The following PLIN4 variants were observed in gnomAD, a reference collection of about 807,000 sequenced individuals.
PLIN4 encodes the protein perilipin 4.
Under a neutral mutation model 52.4 loss-of-function variants are expected in PLIN4, and 57 were observed. The observed-to-expected ratio is 1.09, with a 90% confidence interval of 0.88 to 1.36. The LOEUF (loss-of-function observed/expected upper bound fraction) is 1.36, where lower values mean the gene tolerates loss of function less well. PLIN4 is among the 40% of genes most tolerant of loss of function. The pLI, the probability that PLIN4 is intolerant of heterozygous loss-of-function variation, is 0.00. For missense variants in PLIN4, 1,757 were observed against 1,770.3 expected (o/e 0.99, Z 0.13); for synonymous variants, 826 against 785.4 (o/e 1.05, Z -0.86).
At chr19:4,507,747 G>A (rs529187814) in intron 6 of PLIN4, among the ~76,000 whole-genome samples, 2 of 152,090 alleles carry the variant, frequency 1.3e-5, no homozygotes, top group South Asian at 4.2e-4. Context: ...CTCCCGGGCT[G>A]CACAACAGCT....
rs1350316262 is a variant in PLIN4, at chr19:4,512,198, C to T, written c.1762G>A (p.Asp588Asn). The change falls in exon 5 of 8, where the codon GAC becomes AAC. Residue 588 changes from aspartate to asparagine, a missense_variant. Asp to Asn is a conservative substitution (Grantham distance 23, BLOSUM62 1). Around this residue, in one of 7 missense-constraint regions of PLIN4, gnomAD observed 439 missense variants for 406.4 expected, o/e 1.08. Coordinates refer to ENST00000301286, the MANE Select transcript of PLIN4 (RefSeq NM_001367868.2). Reference protein sequence around the residue: ...VAKGAVQTGVDTAKTVLTGTK... With the variant: ...VAKGAVQTGVNTAKTVLTGTK... ...CCGGTCAGCACGGTCTTGGCTGTGTCTACACCTGTCTGGACAGCCCCCTTG... is the reference window on the plus strand; with the variant it reads ...CCGGTCAGCACGGTCTTGGCTGTGTTTACACCTGTCTGGACAGCCCCCTTG... The T allele has an allele frequency of 1.9e-6, 3 of 1,612,400 alleles. No homozygotes were observed. In the African/African-American group the frequency reaches 4.1e-5, roughly 22 times the overall value.
intron 3 of PLIN4, among the ~76,000 whole-genome samples, chr19:4,517,293 C>T (rs1976609745): frequency 7.1e-6 from 1 of 141,510 alleles, no homozygotes; most frequent in Non-Finnish European, 1.5e-5. Context: ...AAACGGAGTG[C>T]AGGGTGGGGG....
At chr19:4,505,940 G>A (rs948059817) in intron 6 of PLIN4, among the ~76,000 whole-genome samples, 5 of 151,678 alleles carry the variant, frequency 3.3e-5, no homozygotes, top group African/African-American at 1.2e-4. Context: ...GGGTCTCTTG[G>A]GGTCTTCTCT....
In PLIN4 at chr19:4,511,588, A is replaced by C; in HGVS notation, c.2372T>G (p.Val791Gly). The C allele has an allele frequency of 2.0e-6, 3 of 1,477,620 alleles. No individual in the cohort carries two copies. The highest frequency in any genetic ancestry group is 2.7e-6 in the Non-Finnish European group (3 of 1,111,430). The allele number at this position is 1,477,620 out of a possible 1,614,324, so 91.5% of individuals were successfully genotyped here. A position where few individuals can be genotyped will look rare whatever the true frequency, so the allele number is the denominator to read the frequency against. ...CACAGCATCCTTGGTACCAGTTAAC[A>C]CAGTCTTGGTGGTGTCCATGCCGGT... ...VQTGMDTTKT[V>G]LTGTKDAVCS... The change falls in exon 5 of 8, where the codon GTG (valine) becomes GGG (glycine). Residue 791 changes from valine to glycine, a missense_variant. Transcript: ENST00000301286.
At chr19:4,510,389 G>T in intron 5 of PLIN4, 57 bp downstream of exon 5, 1 of 1,337,880 alleles carries the variant, frequency 7.5e-7, no homozygotes, top group Non-Finnish European at 9.6e-7. Context: ...AAACAGTCAA[G>T]GACCTGCTAG....
In PLIN4 at chr19:4,510,487, C is replaced by G; in HGVS notation, c.3473G>C (p.Gly1158Ala). The change falls in exon 5 of 8, where the codon GGG (glycine) becomes GCG (alanine). Residue 1158 changes from glycine to alanine, a missense_variant. By Grantham distance (60) the Gly-to-Ala change is moderately conservative. Around this residue, in one of 7 missense-constraint regions of PLIN4, gnomAD observed 712 missense variants for 637.1 expected, o/e 1.12. Transcript: ENST00000301286. ...CATGGGGTGGAAGATGTCCCCCAGC[C>G]CCTCCAACTCATTCTGCAGCATTGC... ...RLAMLQNELEGLGDIFHPMNA... is the reference protein window; with the variant it reads ...RLAMLQNELEALGDIFHPMNA... The G allele has an allele frequency of 1.4e-6, 2 of 1,459,416 alleles. No homozygotes were observed. The highest frequency in any genetic ancestry group is 1.8e-6 in the Non-Finnish European group (2 of 1,104,586). 90.4% of individuals were successfully genotyped at this position (1,459,416 alleles called of 1,614,324 possible).
rs772106916 is a variant in PLIN4 at position 4,512,076 on chromosome 19, G to C, written c.1884C>G (p.Thr628=). 6.2e-7 allele frequency: 1 copy of C among 1,603,150 alleles called. No individual in the cohort carries two copies. Among genetic ancestry groups the C allele is most frequent in the Non-Finnish European group, 8.5e-7 (1 of 1,177,000 alleles). The change falls in exon 5 of 8, where the codon ACC becomes ACG. Residue 628 remains threonine (T), a synonymous_variant. Transcript: ENST00000301286. ...TGMDTTKTVL[T]GTKDTIYSGV... ...CACTGTAGATGGTGTCCTTGGTACC[G>C]GTTAGGACAGTTTTGGTGGTGTCCA...
chr19:4,518,400 C>T lies in PLIN4; in HGVS notation c.-33G>A. 1 of 1,230,500 alleles carries T rather than the reference C, an allele frequency of 8.1e-7. No homozygotes were observed. Among genetic ancestry groups the T allele is most frequent in the South Asian group, 4.2e-5 (1 of 23,966 alleles). The allele number at this position is 1,230,500 out of a possible 1,614,324, so 76.2% of individuals were successfully genotyped here. ...CGACACCCACCTGCAGGCCTGGCCTCACCCTGGTGTCACCGAAGCAGACGC... is the reference window on the plus strand; with the variant it reads ...CGACACCCACCTGCAGGCCTGGCCTTACCCTGGTGTCACCGAAGCAGACGC... On this transcript the variant is annotated 5_prime_UTR_variant, in exon 1 of 8. Transcript: ENST00000301286.
intron 5 of PLIN4, among the ~76,000 whole-genome samples, chr19:4,509,298 G>A (rs1406038754): frequency 1.3e-3 from 7 of 5,408 alleles, no homozygotes; most frequent in Admixed American, 6.9e-3. Context: ...GTAAGAGTGC[G>A]AGACTCCGTC....
intron 4 of PLIN4, 28 bp downstream of exon 4, chr19:4,516,589 T>A (rs1169075608): frequency 4.4e-6 from 7 of 1,590,826 alleles, no homozygotes; most frequent in Middle Eastern, 1.7e-4. Context: ...TCCTGCCACA[T>A]CAGACCCTGC....
intron 6 of PLIN4, among the ~76,000 whole-genome samples, chr19:4,505,156 G>GT (rs1203383626): frequency 1.3e-5 from 2 of 152,154 alleles, no homozygotes; most frequent in Non-Finnish European, 2.9e-5. Context: ...GGGAGTGCAC[G>GT]TAACACAGTG....
At chr19:4,514,403 G>C (rs115399425) in intron 4 of PLIN4, among the ~76,000 whole-genome samples, 1 of 151,906 alleles carries the variant, frequency 6.6e-6, no homozygotes, top group Admixed American at 6.6e-5. Flanking sequence ...AGATATGATC[G>C]TACCACTGTA....
In PLIN4 at chr19:4,504,635, C is replaced by T. The variant is rs1209501708; in HGVS notation, c.3940G>A (p.Gly1314Ser). 4 of 1,604,092 alleles carry T rather than the reference C, an allele frequency of 2.5e-6. No homozygotes were observed. The highest frequency in any genetic ancestry group is 1.7e-5 in the Admixed American group (1 of 59,578). The change falls in exon 8 of 8, where the codon GGC (glycine) becomes AGC (serine). Residue 1314 changes from glycine (G) to serine (S), a missense_variant. This residue lies in a region of PLIN4 where 712 missense variants were observed against 637.1 expected (regional missense o/e 1.12). Transcript: ENST00000301286. The stretch of plus-strand genomic sequence containing the variant: ...ACAGAGCCAGCTGAGGCCACGATGC[C>T]ATAGAGCTCACAGAGGCTGTGCCGC... ...RARHSLCELY[G>S]IVASAGSVEE...
intron 6 of PLIN4, among the ~76,000 whole-genome samples, chr19:4,507,428 G>A (rs1976128371): frequency 6.6e-6 from 1 of 152,116 alleles, no homozygotes; most frequent in Non-Finnish European, 1.5e-5. Context: ...AACCAGGTTT[G>A]GTAGTGTGCA....
Position 4,504,273 on chromosome 19 carries a change from G to A in PLIN4, c.*186C>T. 1.7e-6 allele frequency: 1 copy of A among 585,436 alleles called. No individual in the cohort carries two copies. Among genetic ancestry groups the A allele is most frequent in the East Asian group, 3.0e-5 (1 of 33,470 alleles). The allele number at this position is 585,436 out of a possible 1,614,324, so 36.3% of individuals were successfully genotyped here. A position where few individuals can be genotyped will look rare whatever the true frequency, so the allele number is the denominator to read the frequency against. On this transcript the variant is annotated 3_prime_UTR_variant, in exon 8 of 8. Coordinates refer to ENST00000301286, the MANE Select transcript of PLIN4 (RefSeq NM_001367868.2). ...GGAGATGCAGGCAGGCCCGGAGCAG[G>A]GCGTGGGGTGGCTCAGTTAAGAAGG...
In PLIN4 at chr19:4,503,370, A is replaced by AC. The variant is rs1171238153; in HGVS notation, c.*1088dup. 6.6e-6 allele frequency: 1 copy of AC among 152,594 alleles called. No individual in the cohort carries two copies. The highest frequency in any genetic ancestry group is 6.5e-5 in the Admixed American group (1 of 15,290). 9.5% of individuals were successfully genotyped at this position (152,594 alleles called of 1,614,324 possible). Reference sequence around the variant, plus strand: ...ACCCGACCTGAGCCTGCCAGCCTCCACGACCTGGGCTAGCCTGAGAGCACG... The same window carrying AC: ...ACCCGACCTGAGCCTGCCAGCCTCCACCGACCTGGGCTAGCCTGAGAGCACG... On this transcript the variant is annotated 3_prime_UTR_variant, in exon 8 of 8. Coordinates refer to ENST00000301286, the MANE Select transcript of PLIN4 (RefSeq NM_001367868.2).
At chr19:4,515,214 G>A (rs1976553804) in intron 4 of PLIN4, among the ~76,000 whole-genome samples, 1 of 151,774 alleles carries the variant, frequency 6.6e-6, no homozygotes, top group African/African-American at 2.4e-5. Context: ...AATGAATGAA[G>A]ATGATGATGG....
Position 4,504,680 on chromosome 19 carries a change from G to T in PLIN4, c.3895C>A (p.Gln1299Lys), listed in dbSNP as rs1250649550. 10 of 1,602,242 alleles carry T rather than the reference G, an allele frequency of 6.2e-6. No homozygotes were observed. The highest frequency in any genetic ancestry group is 8.5e-6 in the Non-Finnish European group (10 of 1,178,106). The change falls in exon 8 of 8, where the codon CAG becomes AAG. Residue 1299 changes from glutamine (Q) to lysine (K), a missense_variant. Transcript: ENST00000301286. Reference protein sequence around the residue: ...SSLQGLPAELQQPVGRARHSL... With the variant: ...SSLQGLPAELKQPVGRARHSL... ...TGCCGCGCCCGCCCCACTGGCTGCT[G>T]GAGCTCGGCGGGCAGGCCCTGGAGG...
intron 6 of PLIN4, among the ~76,000 whole-genome samples, chr19:4,506,663 C>A (rs948372491): frequency 6.6e-6 from 1 of 152,232 alleles, no homozygotes; most frequent in African/African-American, 2.4e-5. Flanking sequence ...GAGCAAAGCT[C>A]TTCTCTTCCT....
Sources: allele counts gnomAD v4.1 joint callset (sites outside exome capture counted in the v4.1 genomes callset), GRCh38; gene constraint gnomAD v4.1.1; regional missense constraint gnomAD v4.1.1; transcripts MANE v1.5; gene names NCBI Gene and HGNC (gene_info 2026-07-23, HGNC 2026-07-21).